The following DDHD1 variants were observed in gnomAD, a reference collection of about 807,000 sequenced individuals.
DDHD1 encodes the protein DDHD domain containing 1, also known as phospholipase DDHD1.
A neutral mutation model predicts 96.4 loss-of-function variants in DDHD1; 49 were observed. The observed-to-expected ratio is 0.51, with a 90% CI of 0.40 to 0.64. DDHD1 has a LOEUF of 0.64. DDHD1 is among the 30% of genes least tolerant of loss of function. The pLI is 0.00. For synonymous variants in DDHD1, 442 were observed against 446.5 expected, an observed-to-expected ratio of 0.99 and a Z score of 0.13; for missense variants, 1,106 against 1,161.2, an observed-to-expected ratio of 0.95 and a Z score of 0.69.
intron 10 of DDHD1, 53 bp downstream of exon 10, chr14:53,055,607 A>AC (rs397690043): frequency 7.1e-7 from 1 of 1,415,176 alleles, no homozygotes. Flanking sequence ...CCCCAAACTT[A>AC]TGTCTAGGAA....
chr14:53,152,350 T>G lies in DDHD1; in HGVS notation c.749A>C (p.Glu250Ala). Residue 250 changes from glutamate to alanine, a missense_variant, in exon 1 of 13, where the codon GAG (glutamate) becomes GCG (alanine). Physicochemically the swap from Glu to Ala is moderately radical, Grantham distance 107. This residue lies in a region of DDHD1 where 456 missense variants were observed against 402.4 expected (regional missense o/e 1.13). Coordinates refer to ENST00000673822, the MANE Select transcript of DDHD1 (RefSeq NM_001160148.2). ...STTGHEPEMV[E>A]LVNIEPVCVR... ...GCACACAGGCTCGATGTTCACAAGC[T>G]CCACCATCTCCGGCTCGTGCCCCGT... The G allele has an allele frequency of 6.2e-7, 1 of 1,613,878 alleles. No homozygotes were observed. Among genetic ancestry groups the G allele is most frequent in the Non-Finnish European group, 8.5e-7 (1 of 1,179,950 alleles).
At chr14:53,145,425 C>A (rs1320225355) in intron 1 of DDHD1, among the ~76,000 whole-genome samples, 2 of 148,958 alleles carry the variant, frequency 1.3e-5, no homozygotes, top group Non-Finnish European at 3.0e-5. Context: ...ATTGCCTGAG[C>A]CTGGGAGGTC....
chr14:53,061,754 C>T (rs1349944380), intron 7 of DDHD1, among the ~76,000 whole-genome samples: 1 of 151,974 alleles, frequency 6.6e-6, no homozygotes, highest in African/African-American at 2.4e-5. Context: ...CTATAGTTGG[C>T]CAGGCGCAGT....
intron 4 of DDHD1, among the ~76,000 whole-genome samples, chr14:53,086,522 T>G (rs569760730): frequency 1.3e-5 from 2 of 151,974 alleles, no homozygotes; most frequent in Non-Finnish European, 2.9e-5. Flanking sequence ...AAAAGAATTT[T>G]CAACCCAGAA....
chr14:53,100,020 T>C (rs1344443224), intron 2 of DDHD1, among the ~76,000 whole-genome samples: 1 of 152,038 alleles, frequency 6.6e-6, no homozygotes, highest in Non-Finnish European at 1.5e-5. Flanking sequence ...GCACTCCTGA[T>C]CTGCAGATTC....
At chr14:53,140,927 T>C (rs577134202) in intron 1 of DDHD1, among the ~76,000 whole-genome samples, 1 of 152,056 alleles carries the variant, frequency 6.6e-6, no homozygotes. Context: ...TATATTAGTA[T>C]CAAATAAAGT....
intron 2 of DDHD1, chr14:53,096,237 T>C: frequency 7.3e-6 from 7 of 963,096 alleles, no homozygotes; most frequent in Non-Finnish European, 8.6e-6. Context: ...GCAAAAACAC[T>C]GAGCTTCAAA....
Position 53,058,611 on chromosome 14 carries a change from A to C in DDHD1, c.1858T>G (p.Cys620Gly), listed in dbSNP as rs1166514134. The change falls in exon 9 of 13, where the codon TGT becomes GGT. Residue 620 changes from cysteine to glycine, a missense_variant. Cys to Gly is a radical substitution (Grantham distance 159, BLOSUM62 -3). Coordinates refer to ENST00000673822, the MANE Select transcript of DDHD1 (RefSeq NM_001160148.2). ...AAAACTGCTAATGGGGATCCCATAC[A>C]GAAGAAATTCTCAACCTAAAATGAT... The part of the protein sequence containing the change: ...ALKFKVENFF[C>G]MGSPLAVFLA... 6.2e-7 allele frequency: 1 copy of C among 1,603,482 alleles called. No homozygotes were observed. The highest frequency in any genetic ancestry group is 8.5e-7 in the Non-Finnish European group (1 of 1,176,682).
chr14:53,048,665 A>G (rs541721062), intron 12 of DDHD1: 2 of 152,342 alleles, frequency 1.3e-5, no homozygotes, highest in South Asian at 4.1e-4. Context: ...AATTTAAATT[A>G]CAATAAGCTA....
chr14:53,090,974 A>G (rs1485482721), intron 4 of DDHD1, among the ~76,000 whole-genome samples: 1 of 152,208 alleles, frequency 6.6e-6, no homozygotes, highest in African/African-American at 2.4e-5. Flanking sequence ...CATTATTATT[A>G]TAGAGGTGTT....
intron 1 of DDHD1, among the ~76,000 whole-genome samples, chr14:53,124,886 G>T (rs1244163093): frequency 1.3e-5 from 2 of 152,162 alleles, no homozygotes; most frequent in Non-Finnish European, 2.9e-5. Context: ...TAAGGTGTCA[G>T]CAGGTCTGGT....
intron 1 of DDHD1, among the ~76,000 whole-genome samples, chr14:53,111,061 A>T (rs1440015154): frequency 6.6e-6 from 1 of 152,196 alleles, no homozygotes. Context: ...CAAAAGAAGA[A>T]CATGGGTTCT....
intron 1 of DDHD1, among the ~76,000 whole-genome samples, chr14:53,150,997 ATTATT>A (rs1158048015): frequency 6.6e-6 from 1 of 152,182 alleles, no homozygotes; most frequent in Non-Finnish European, 1.5e-5. Context: ...ATTTCCTGCT[ATTATT>A]TTATTTGGTG....
chr14:53,055,945 A>C, intron 9 of DDHD1, 33 bp from the exon 10 acceptor site: 1 of 1,576,310 alleles, frequency 6.3e-7, no homozygotes, highest in Non-Finnish European at 8.7e-7. Flanking sequence ...AAAGAAACAC[A>C]GTGTTAAATC....
At chr14:53,147,094 A>T (rs191934934) in intron 1 of DDHD1, among the ~76,000 whole-genome samples, 1 of 152,264 alleles carries the variant, frequency 6.6e-6, no homozygotes, top group East Asian at 1.9e-4. Flanking sequence ...CTTCCTGTGA[A>T]TAATACATTC....
rs908028648 is a variant in DDHD1, at chr14:53,038,319, G to A, written c.*8449C>T. ...TAGACTGATAAACAACTTTAGTCAA[G>A]TTTCAGGATACAAAATCAATGCACA... On this transcript the variant is annotated 3_prime_UTR_variant, in exon 13 of 13. Coordinates refer to ENST00000673822, the MANE Select transcript of DDHD1 (RefSeq NM_001160148.2). 1.3e-5 allele frequency: 2 copies of A among 152,110 alleles called. No individual in the cohort carries two copies. Among genetic ancestry groups the A allele is most frequent in the Non-Finnish European group, 2.9e-5 (2 of 68,018 alleles). The allele number at this position is 152,110 out of a possible 1,614,324, so 9.4% of individuals were successfully genotyped here. A position where few individuals can be genotyped will look rare whatever the true frequency, so the allele number is the denominator to read the frequency against.
intron 3 of DDHD1, 172 bp from the exon 4 acceptor site, chr14:53,092,104 G>A (rs1886478575): frequency 4.0e-6 from 2 of 501,610 alleles, no homozygotes; most frequent in Admixed American, 3.4e-5. Context: ...GTGATATAAA[G>A]TGAACTGGAC....
chr14:53,148,842 T>G (rs1352168127), intron 1 of DDHD1, among the ~76,000 whole-genome samples: 1 of 152,168 alleles, frequency 6.6e-6, no homozygotes, highest in Non-Finnish European at 1.5e-5. Context: ...GTGTATAGTT[T>G]TTGTGAGACC....
chr14:53,127,225 C>T (rs1239289859), intron 1 of DDHD1, among the ~76,000 whole-genome samples: 1 of 151,974 alleles, frequency 6.6e-6, no homozygotes, highest in Non-Finnish European at 1.5e-5. Flanking sequence ...CAAAATAATC[C>T]AGGATATTAA....
Sources: allele counts gnomAD v4.1 joint callset (sites outside exome capture counted in the v4.1 genomes callset), GRCh38; gene constraint gnomAD v4.1.1; regional missense constraint gnomAD v4.1.1; transcripts MANE v1.5; gene names NCBI Gene and HGNC (gene_info 2026-07-23, HGNC 2026-07-21).